FMNL2: variants seen among roughly 807,000 people sequenced by gnomAD.
FMNL2 encodes formin like 2, also known as formin-like protein 2.
In FMNL2, 51 loss-of-function variants were observed where a neutral mutation model predicts 130.2. The observed-to-expected ratio is 0.39, with a 90% CI of 0.31 to 0.49. The LOEUF (loss-of-function observed/expected upper bound fraction) is 0.49. FMNL2 is among the 20% of genes least tolerant of loss of function. The pLI, the probability that FMNL2 is intolerant of heterozygous loss-of-function variation, is 0.85. For synonymous variants in FMNL2, 465 were observed against 467.1 expected (o/e 1.00, Z 0.06); for missense variants, 977 against 1,316.2 (o/e 0.74, Z 3.99).
intron 9 of FMNL2, among the ~76,000 whole-genome samples, chr2:152,589,822 C>CAAA (rs1697286911): frequency 6.6e-6 from 1 of 151,266 alleles, no homozygotes; most frequent in Admixed American, 6.6e-5. Context: ...TGTAAAGGAG[C>CAAA]TGCTTCCCTG....
rs143907495 is a variant in FMNL2, at chr2:152,486,428, T to C, written c.118-35515T>C. ...AAGCATTTTGACCTGGAAATATTTC[T>C]TTGGGGTTATGTGAACTACTGTACA... On this transcript the variant is annotated intron_variant, in intron 1 of 25. Coordinates refer to ENST00000288670, the MANE Select transcript of FMNL2 (RefSeq NM_052905.4). Among the ~76,000 whole-genome samples the C allele has an allele frequency of 5.1e-3, 770 of 152,334 alleles. 2 individuals carry two copies. Among genetic ancestry groups the C allele is most frequent in the Middle Eastern group, 0.017 (5 of 294 alleles).
At chr2:152,470,844 G>C (rs1163570847) in intron 1 of FMNL2, among the ~76,000 whole-genome samples, 1 of 152,226 alleles carries the variant, frequency 6.6e-6, no homozygotes, top group East Asian at 1.9e-4. Context: ...TTAACATCTA[G>C]TCAAAGGTAC....
chr2:152,607,560 C>T, intron 10 of FMNL2, 147 bp downstream of exon 10: 1 of 610,122 alleles, frequency 1.6e-6, no homozygotes, highest in Non-Finnish European at 2.9e-6. Flanking sequence ...TAGATCCAAT[C>T]TAGAATGTCC....
intron 5 of FMNL2, 104 bp from the exon 6 acceptor site, chr2:152,560,779 T>C: frequency 2.9e-6 from 3 of 1,040,112 alleles, no homozygotes; most frequent in Non-Finnish European, 4.0e-6. Context: ...AGACTTTCCA[T>C]ACTAAGGTGC....
intron 25 of FMNL2, among the ~76,000 whole-genome samples, chr2:152,641,165 GAT>G (rs1379119331): frequency 6.6e-6 from 1 of 152,082 alleles, no homozygotes; most frequent in Non-Finnish European, 1.5e-5. Flanking sequence ...CATTGTTATT[GAT>G]ATGTCATCAT....
chr2:152,507,153 C>T (rs1479583179), intron 1 of FMNL2, among the ~76,000 whole-genome samples: 1 of 152,212 alleles, frequency 6.6e-6, no homozygotes, highest in African/African-American at 2.4e-5. Flanking sequence ...CCATAGCTTC[C>T]ATTCATTTCA....
intron 1 of FMNL2, among the ~76,000 whole-genome samples, chr2:152,414,858 T>C (rs1257305480): frequency 5.9e-5 from 9 of 152,232 alleles, no homozygotes; most frequent in African/African-American, 2.2e-4. Context: ...GCCATACCTG[T>C]GTACCTCAAC....
intron 25 of FMNL2, among the ~76,000 whole-genome samples, chr2:152,647,263 TTTTG>T (rs1263920469): frequency 6.6e-6 from 1 of 152,220 alleles, no homozygotes; most frequent in Non-Finnish European, 1.5e-5. Context: ...TTGAACATCA[TTTTG>T]TTTAAAATTT....
chr2:152,474,724 C>T (rs979469697), intron 1 of FMNL2, among the ~76,000 whole-genome samples: 9 of 151,940 alleles, frequency 5.9e-5, no homozygotes, highest in Non-Finnish European at 1.2e-4. Flanking sequence ...GCAGTCAGCA[C>T]TTATTTCACG....
At chr2:152,466,842 CTG>C (rs1215988641) in intron 1 of FMNL2, among the ~76,000 whole-genome samples, 2 of 152,154 alleles carry the variant, frequency 1.3e-5, no homozygotes, top group African/African-American at 2.4e-5. Flanking sequence ...CCGTGAAGTG[CTG>C]TGAGTGGGAT....
Position 152,439,915 on chromosome 2 carries a change from T to A in FMNL2, c.118-82028T>A, listed in dbSNP as rs536972561. 4.0e-5 allele frequency among the ~76,000 whole-genome samples: 6 copies of A among 151,582 alleles called. No homozygotes were observed. In the South Asian group the frequency reaches 1.1e-3, roughly 27 times the overall value. On this transcript the variant is annotated intron_variant, in intron 1 of 25. Coordinates refer to ENST00000288670, the MANE Select transcript of FMNL2 (RefSeq NM_052905.4). ...AGTGGTCTCACCGTTAATACATTTT[T>A]AAATCACATTTGTAGATTCTGGACA... is the stretch of plus-strand genomic sequence containing the variant.
chr2:152,433,006 A>G (rs377619985), intron 1 of FMNL2, among the ~76,000 whole-genome samples: 1 of 152,208 alleles, frequency 6.6e-6, no homozygotes, highest in Non-Finnish European at 1.5e-5. Flanking sequence ...TCTGCTCTAT[A>G]CTAGCAGCGC....
chr2:152,432,671 T>G (rs1262698969), intron 1 of FMNL2, among the ~76,000 whole-genome samples: 1 of 152,228 alleles, frequency 6.6e-6, no homozygotes, highest in Admixed American at 6.5e-5. Context: ...TTGTTATAAA[T>G]AAACTCAAGT....
intron 9 of FMNL2, among the ~76,000 whole-genome samples, chr2:152,600,796 T>C (rs1479525118): frequency 1.3e-5 from 2 of 152,038 alleles, no homozygotes; most frequent in Non-Finnish European, 2.9e-5. Context: ...TGAATCTTGC[T>C]TGTCCTGGGA....
chr2:152,467,666 T>C (rs756493468), intron 1 of FMNL2, among the ~76,000 whole-genome samples: 1 of 152,242 alleles, frequency 6.6e-6, no homozygotes, highest in South Asian at 2.1e-4. Flanking sequence ...ATAGGGTTAA[T>C]TCTGATTGCC....
intron 21 of FMNL2, among the ~76,000 whole-genome samples, chr2:152,635,333 C>T (rs1682501758): frequency 6.6e-6 from 1 of 152,172 alleles, no homozygotes; most frequent in African/African-American, 2.4e-5. Flanking sequence ...CTTTGCAAAA[C>T]TTCCTGAACC....
chr2:152,423,702 T>G (rs1011958308), intron 1 of FMNL2, among the ~76,000 whole-genome samples: 2 of 152,136 alleles, frequency 1.3e-5, no homozygotes, highest in African/African-American at 2.4e-5. Flanking sequence ...CAAAACATGC[T>G]TTGATGGACT....
intron 21 of FMNL2, among the ~76,000 whole-genome samples, chr2:152,635,141 A>G (rs1682484441): frequency 6.6e-6 from 1 of 152,220 alleles, no homozygotes; most frequent in Admixed American, 6.5e-5. Flanking sequence ...TAAGGCACCC[A>G]CTTACCAAGC....
At chr2:152,601,628 A>ACC (rs1314112842) in intron 9 of FMNL2, among the ~76,000 whole-genome samples, 2 of 144,456 alleles carry the variant, frequency 1.4e-5, no homozygotes, top group African/African-American at 5.1e-5. Context: ...TGGCTTGCAA[A>ACC]CCAGTAGTAT....
Sources: gnomAD v4.1 joint callset for allele counts (sites outside exome capture counted in the v4.1 genomes callset) on GRCh38, gnomAD v4.1.1 for gene constraint, MANE v1.5 for transcripts, NCBI Gene and HGNC (gene_info 2026-07-23, HGNC 2026-07-21) for gene names.